Variants in TMCO1 observed in about 807,000 individuals in gnomAD.
TMCO1 encodes transmembrane and coiled-coil domains 1.
A neutral mutation model predicts 29.3 loss-of-function variants in TMCO1; 29 were observed. That is an observed-to-expected ratio of 0.99 (90% CI 0.74 to 1.35). The LOEUF is 1.35. Among genes scored for constraint, TMCO1 ranks in the 40% most tolerant of loss-of-function variants. TMCO1 has a pLI of 0.00. For synonymous variants in TMCO1, 80 were observed against 77.1 expected, an observed-to-expected ratio of 1.04 and a Z score of -0.20; for missense variants, 173 against 225.5, an observed-to-expected ratio of 0.77 and a Z score of 1.49.
chr1:165,745,474 C>CAAA (rs570579214), intron 5 of TMCO1, among the ~76,000 whole-genome samples: 1 of 101,354 alleles, frequency 9.9e-6, no homozygotes. Flanking sequence ...CTATCTCTAC[C>CAAA]AAAAAAAAAA....
At chr1:165,725,024 CTATATA>C (rs140541989), downstream of TMCO1, 439 of 95,558 alleles carry the variant, frequency 4.6e-3, 1 homozygote, top group South Asian at 0.011. Context: ...CTCTCTCTCT[CTATATA>C]TATATATATA....
intron 6 of TMCO1, among the ~76,000 whole-genome samples, chr1:165,730,688 G>T (rs1172023199): frequency 6.6e-6 from 1 of 150,906 alleles, no homozygotes; most frequent in African/African-American, 2.4e-5. Flanking sequence ...TCCACTTCCC[G>T]GGCTCAAGCA....
chr1:165,739,486 C>T (rs1651507461), intron 6 of TMCO1, among the ~76,000 whole-genome samples: 1 of 152,010 alleles, frequency 6.6e-6, no homozygotes, highest in Non-Finnish European at 1.5e-5. Flanking sequence ...CTCCCGGGCT[C>T]AAGCAATCTT....
intron 5 of TMCO1, among the ~76,000 whole-genome samples, chr1:165,743,973 C>G (rs1461880489): frequency 6.6e-6 from 1 of 151,852 alleles, no homozygotes; most frequent in African/African-American, 2.4e-5. Flanking sequence ...GATTCTCCTG[C>G]CTCAGCCTCC....
intron 2 of TMCO1, among the ~76,000 whole-genome samples, chr1:165,763,003 C>T (rs1157985347): frequency 5.3e-5 from 8 of 152,204 alleles, no homozygotes; most frequent in Non-Finnish European, 1.2e-4. Context: ...TCAACCAACT[C>T]ACTACCTTTA....
intron 4 of TMCO1, among the ~76,000 whole-genome samples, chr1:165,753,901 T>C (rs1279734486): frequency 1.3e-5 from 2 of 152,094 alleles, no homozygotes; most frequent in Non-Finnish European, 2.9e-5. Flanking sequence ...CACATCACCA[T>C]AAAACCAAAG....
At chr1:165,754,129 T>C (rs992598088) in intron 4 of TMCO1, 99 bp downstream of exon 4, 6 of 999,152 alleles carry the variant, frequency 6.0e-6, no homozygotes, top group Non-Finnish European at 9.5e-6. Context: ...TCACAGGTGA[T>C]AAATTTCTGA....
intron 6 of TMCO1, among the ~76,000 whole-genome samples, chr1:165,742,698 CTT>C (rs1374119789): frequency 6.6e-6 from 1 of 152,212 alleles, no homozygotes; most frequent in Non-Finnish European, 1.5e-5. Flanking sequence ...AGTTCTCACT[CTT>C]TTTCACTACG....
chr1:165,748,354 A>C (rs1188704744), intron 5 of TMCO1, among the ~76,000 whole-genome samples: 1 of 152,180 alleles, frequency 6.6e-6, no homozygotes, highest in Non-Finnish European at 1.5e-5. Context: ...GATACCAAGC[A>C]AAAAGTAATA....
intron 2 of TMCO1, among the ~76,000 whole-genome samples, chr1:165,767,846 AT>A (rs1558045014): frequency 6.6e-6 from 1 of 152,012 alleles, no homozygotes; most frequent in Non-Finnish European, 1.5e-5. Context: ...TACCCAGCTA[AT>A]TTTTTCTGTA....
chr1:165,752,629 C>T (rs1231019125), intron 4 of TMCO1, among the ~76,000 whole-genome samples: 2 of 151,186 alleles, frequency 1.3e-5, no homozygotes, highest in African/African-American at 2.4e-5. Flanking sequence ...CCCATCTCTA[C>T]TAAAAATACA....
intron 5 of TMCO1, among the ~76,000 whole-genome samples, chr1:165,747,210 A>C (rs2101802227): frequency 6.7e-6 from 1 of 149,516 alleles, no homozygotes; most frequent in South Asian, 2.1e-4. Context: ...GCAATGAGCC[A>C]AGATCGTGCC....
At chr1:165,758,906 C>A (rs867084600) in intron 3 of TMCO1, among the ~76,000 whole-genome samples, 1 of 152,326 alleles carries the variant, frequency 6.6e-6, no homozygotes, top group Non-Finnish European at 1.5e-5. Flanking sequence ...GATACAGACA[C>A]AGTTTCTAAA....
intron 5 of TMCO1, among the ~76,000 whole-genome samples, chr1:165,749,814 T>TA (rs1348538530): frequency 6.6e-6 from 1 of 151,892 alleles, no homozygotes; most frequent in Non-Finnish European, 1.5e-5. Flanking sequence ...CCTCTATATG[T>TA]AAAAAACTCT....
intron 3 of TMCO1, among the ~76,000 whole-genome samples, chr1:165,756,162 AATATTGATGT>A (rs1652183563): frequency 6.6e-6 from 1 of 152,184 alleles, no homozygotes; most frequent in South Asian, 2.1e-4. Flanking sequence ...TATCTCAAGC[AATATTGATGT>A]AGGTAATCTA....
In TMCO1 at chr1:165,768,177, T is replaced by C; in HGVS notation, c.148+15A>G. The C allele has an allele frequency of 1.3e-6, 2 of 1,599,270 alleles. No individual in the cohort carries two copies. Among genetic ancestry groups the C allele is most frequent in the Non-Finnish European group, 1.7e-6 (2 of 1,166,418 alleles). ...TGACGTGTTGAAATTATTTCTAATG[T>C]GTTGCCATACTCACATTTTTTACTC... On this transcript the variant is annotated intron_variant, in intron 2 of 6. Transcript: ENST00000367881.
At chr1:165,752,228 T>C in intron 4 of TMCO1, 59 bp from the exon 5 acceptor site, 2 of 1,159,896 alleles carry the variant, frequency 1.7e-6, no homozygotes, top group East Asian at 4.9e-5. Context: ...CTAAAGCATA[T>C]CTCAAAAGTT....
rs774391939 is a variant in TMCO1 at position 165,768,778 on chromosome 1, C to A, written c.-27G>T. 6 of 1,614,062 alleles carry A rather than the reference C, an allele frequency of 3.7e-6. 1 individual carries two copies. In the South Asian group the frequency reaches 6.6e-5, roughly 18 times the overall value. The stretch of plus-strand genomic sequence containing the variant: ...TCGCACCTTCGTCTCTGCACTCTCA[C>A]CCGCCAGGGGGAAAGCGCTCTACAG... On this transcript the variant is annotated 5_prime_UTR_variant, in exon 1 of 7. Transcript: ENST00000367881.
At chr1:165,725,529 A>C (rs1650838737), downstream of TMCO1, 1 of 454,014 alleles carries the variant, frequency 2.2e-6, no homozygotes, top group Non-Finnish European at 4.4e-6. Flanking sequence ...GAGTAGACTA[A>C]TGCAGATATT....
Sources: allele counts gnomAD v4.1 joint callset (sites outside exome capture counted in the v4.1 genomes callset), GRCh38; gene constraint gnomAD v4.1.1; transcripts MANE v1.5; gene names NCBI Gene and HGNC (gene_info 2026-07-23, HGNC 2026-07-21).